Variants in PHC2 observed in about 807,000 individuals in gnomAD.
PHC2 encodes the protein polyhomeotic-like protein 2.
PHC2 carries 29 observed loss-of-function variants against 87.4 expected under a neutral mutation model. That is an observed-to-expected ratio of 0.33 (90% CI 0.25 to 0.45). The LOEUF is 0.45. Among genes scored for constraint, PHC2 ranks in the 20% least tolerant of loss-of-function variants. The pLI is 1.00. For missense variants in PHC2, 857 were observed against 1,136.7 expected, an observed-to-expected ratio of 0.75 and a Z score of 3.54; for synonymous variants, 438 against 461.7, an observed-to-expected ratio of 0.95 and a Z score of 0.66.
At position 33,368,475 on chromosome 1, in the gene PHC2, A is replaced by G; in HGVS notation, c.663+61T>C. On this transcript the variant is annotated intron_variant, in intron 6 of 14. Coordinates refer to ENST00000683057, the MANE Select transcript of PHC2 (RefSeq NM_001385109.1). The surrounding 1 kb of genome is among the most constrained non-coding windows in gnomAD (Gnocchi z 6.6). The stretch of plus-strand genomic sequence containing the variant: ...GCCTCTCCTTGTGCCCCTCCCCAGT[A>G]TCAGTGCCCCTCTACAGGGGTGCCC... The G allele has an allele frequency of 1.2e-6, 1 of 851,898 alleles. No individual in the cohort carries two copies. The highest frequency in any genetic ancestry group is 1.8e-6 in the Non-Finnish European group (1 of 554,474). The allele number at this position is 851,898 out of a possible 1,614,324, so 52.8% of individuals were successfully genotyped here.
chr1:33,332,233 C>A lies in PHC2; in HGVS notation c.1891+42G>T. 1 of 1,612,796 alleles carries A rather than the reference C, an allele frequency of 6.2e-7. No individual in the cohort carries two copies. Among genetic ancestry groups the A allele is most frequent in the South Asian group, 1.1e-5 (1 of 91,050 alleles). ...AAGTGTGTGAGGCCTGCCTTTCCAG[C>A]CACGCTGGGAGGCCGAGAGATTCAG... On this transcript the variant is annotated intron_variant, in intron 11 of 14. Transcript: ENST00000683057. The surrounding 1 kb of genome is among the most constrained non-coding windows in gnomAD (Gnocchi z 4.2).
intron 1 of PHC2, among the ~76,000 whole-genome samples, chr1:33,422,639 G>C (rs1448735641): frequency 6.6e-6 from 1 of 152,132 alleles, no homozygotes; most frequent in African/African-American, 2.4e-5. Context: ...CTCTGCCTTT[G>C]AGAAAGCAAT....
chr1:33,349,659 A>C lies in PHC2; in HGVS notation c.1558+4742T>G. On this transcript the variant is annotated intron_variant, in intron 9 of 14. Transcript: ENST00000683057. This position sits in a 1 kb window ranked among gnomAD's most constrained non-coding sequence, Gnocchi z 4.2. ...TACGCAGCCCCTCGGCCGGGCGCCG[A>C]CTCGCGCGGGGTCCCGGGCCCGGGC... The C allele has an allele frequency of 1.1e-5, 11 of 981,398 alleles. No homozygotes were observed. Among genetic ancestry groups the C allele is most frequent in the Non-Finnish European group, 1.2e-5 (10 of 828,884 alleles). 60.8% of individuals were successfully genotyped at this position (981,398 alleles called of 1,614,324 possible). A position where few individuals can be genotyped will look rare whatever the true frequency, so the allele number is the denominator to read the frequency against.
At chr1:33,411,629 C>T (rs1277542517) in intron 1 of PHC2, among the ~76,000 whole-genome samples, 5 of 152,070 alleles carry the variant, frequency 3.3e-5, no homozygotes, top group Non-Finnish European at 4.4e-5. Flanking sequence ...GGCATGATCT[C>T]GGCTCACTGT....
intron 1 of PHC2, among the ~76,000 whole-genome samples, chr1:33,399,087 A>C (rs1649410114): frequency 6.6e-6 from 1 of 152,174 alleles, no homozygotes. Context: ...CAGTAGAACA[A>C]AACAGTGTGT....
chr1:33,324,203 T>C lies in PHC2; in HGVS notation c.*662A>G. 6.5e-6 allele frequency: 1 copy of C among 152,952 alleles called. No homozygotes were observed. Among genetic ancestry groups the C allele is most frequent in the East Asian group, 1.9e-4 (1 of 5,194 alleles). 9.5% of individuals were successfully genotyped at this position (152,952 alleles called of 1,614,324 possible). A position where few individuals can be genotyped will look rare whatever the true frequency, so the allele number is the denominator to read the frequency against. Reference sequence around the variant, plus strand: ...CCAGGACAAAGCACTAAGTGGCTGTTTGCTACAAAACACCTGGAGATGCCA... The same window carrying C: ...CCAGGACAAAGCACTAAGTGGCTGTCTGCTACAAAACACCTGGAGATGCCA... On this transcript the variant is annotated 3_prime_UTR_variant, in exon 15 of 15. Coordinates refer to ENST00000683057, the MANE Select transcript of PHC2 (RefSeq NM_001385109.1).
intron 1 of PHC2, among the ~76,000 whole-genome samples, chr1:33,387,635 A>G (rs1282364189): frequency 6.6e-6 from 1 of 152,224 alleles, no homozygotes; most frequent in African/African-American, 2.4e-5. Flanking sequence ...TTTTCTCACA[A>G]GACAACTGAG....
chr1:33,412,096 A>G (rs942492396), intron 1 of PHC2, among the ~76,000 whole-genome samples: 1 of 152,202 alleles, frequency 6.6e-6, no homozygotes, highest in African/African-American at 2.4e-5. Context: ...TAGGAAGTGC[A>G]ATAAGGCAGG....
At chr1:33,360,568 T>C (rs193253168) in intron 7 of PHC2, among the ~76,000 whole-genome samples, 4 of 152,396 alleles carry the variant, frequency 2.6e-5, no homozygotes, top group African/African-American at 9.6e-5. Context: ...AAATGGACTA[T>C]TTTGTTTAAA....
intron 13 of PHC2, 41 bp downstream of exon 13, chr1:33,330,030 G>C: frequency 6.2e-7 from 1 of 1,606,022 alleles, no homozygotes; most frequent in Non-Finnish European, 8.5e-7. Flanking sequence ...GAAGCTGTGG[G>C]GACTGTGGGG....
Position 33,349,529 on chromosome 1 carries a change from TC to T in PHC2, c.1558+4871del, listed in dbSNP as rs1458289988. On this transcript the variant is annotated intron_variant, in intron 9 of 14. Coordinates refer to ENST00000683057, the MANE Select transcript of PHC2 (RefSeq NM_001385109.1). This position sits in a 1 kb window ranked among gnomAD's most constrained non-coding sequence, Gnocchi z 4.2. ...GGGGCACCGAGGGCGGTGCCCGACT[TC>T]CAGTGCGGCGAGCGCGGCCCCCGGC... The T allele has an allele frequency of 1.1e-5, 11 of 983,100 alleles. No homozygotes were observed. Among genetic ancestry groups the T allele is most frequent in the South Asian group, 4.7e-5 (1 of 21,256 alleles). 60.9% of individuals were successfully genotyped at this position (983,100 alleles called of 1,614,324 possible).
At chr1:33,326,857 C>A (rs1193756072) in intron 14 of PHC2, among the ~76,000 whole-genome samples, 1 of 152,052 alleles carries the variant, frequency 6.6e-6, no homozygotes, top group African/African-American at 2.4e-5. Flanking sequence ...GAGGCTGAGG[C>A]AGAATTGCTT....
At chr1:33,335,065 GTC>G (rs1646593975) in intron 9 of PHC2, 1 of 343,036 alleles carries the variant, frequency 2.9e-6, no homozygotes, top group African/African-American at 2.2e-5. Context: ...TAGATCCTCT[GTC>G]TCTCTGTGGA....
At chr1:33,402,387 A>G (rs1224391403) in intron 1 of PHC2, among the ~76,000 whole-genome samples, 1 of 152,202 alleles carries the variant, frequency 6.6e-6, no homozygotes, top group Non-Finnish European at 1.5e-5. Context: ...GTATTTCACA[A>G]TAGAGTTGAA....
chr1:33,362,314 T>C (rs879432290), intron 7 of PHC2, among the ~76,000 whole-genome samples: 2 of 152,194 alleles, frequency 1.3e-5, no homozygotes, highest in Non-Finnish European at 2.9e-5. Context: ...ACTCTGTGAG[T>C]CTGGGGTGCA....
chr1:33,330,265 C>T (rs1428897959), intron 12 of PHC2, 53 bp from the exon 13 acceptor site: 18 of 1,594,656 alleles, frequency 1.1e-5, no homozygotes, highest in Non-Finnish European at 1.4e-5. Context: ...GCTTATGGGC[C>T]GTAGGCAGAA....
chr1:33,387,068 A>G (rs1648800437), intron 1 of PHC2, among the ~76,000 whole-genome samples: 1 of 152,250 alleles, frequency 6.6e-6, no homozygotes, highest in South Asian at 2.1e-4. Context: ...CTTTCAGAAT[A>G]AAGTTCAAGG....
rs79627057 is a variant in PHC2, at chr1:33,354,919, G to A, written c.1311C>T (p.Pro437=). ...TPDTGPQNGH[P]EGVPHTPQRR... The stretch of plus-strand genomic sequence containing the variant: ...GTTGAGGGGTGTGGGGCACGCCCTC[G>A]GGATGTCCATTCTGAGGCCCAGTAT... Residue 437 remains proline (P), a synonymous_variant, in exon 8 of 15, where the codon CCC becomes CCT. Transcript: ENST00000683057. The A allele has an allele frequency of 3.1e-3, 4,942 of 1,614,106 alleles. 147 individuals are homozygous for A. The African/African-American group carries it at 0.057, about 19-fold the overall frequency.
At chr1:33,425,038 T>A (rs1250442028) in intron 1 of PHC2, among the ~76,000 whole-genome samples, 1 of 152,210 alleles carries the variant, frequency 6.6e-6, no homozygotes, top group East Asian at 1.9e-4. Context: ...AAAAGAGCAG[T>A]GAATAAGCCA....
Sources: gnomAD v4.1 joint callset for allele counts (sites outside exome capture counted in the v4.1 genomes callset) on GRCh38, gnomAD v4.1.1 for gene constraint, Gnocchi (gnomAD v3.1) non-coding constraint, MANE v1.5 for transcripts, NCBI Gene and HGNC (gene_info 2026-07-23, HGNC 2026-07-21) for gene names.